COL4A6: variants seen among roughly 807,000 people sequenced by gnomAD.
The protein encoded by COL4A6 is collagen type IV alpha 6 chain, also known as collagen alpha-6(IV) chain.
Under a neutral mutation model 126.7 loss-of-function variants are expected in COL4A6, and 59 were observed. The ratio of observed to expected loss-of-function variants is 0.47; its 90% CI spans 0.38 to 0.58. The LOEUF is 0.58. Among genes scored for constraint, COL4A6 ranks in the 20% least tolerant of loss-of-function variants. The pLI is 0.00. For synonymous variants in COL4A6, 547 were observed against 496.6 expected (o/e 1.10, Z -1.35); for missense variants, 1,285 against 1,337.3 (o/e 0.96, Z 0.61).
chrX:108,172,242 T>G (rs1172009853), intron 32 of COL4A6, among the ~76,000 whole-genome samples: 3 of 107,788 alleles, frequency 2.8e-5, no homozygotes, highest in African/African-American at 1.0e-4. Flanking sequence ...CCCAGCTACT[T>G]AGGAAGCTGA....
Position 108,400,680 on chromosome X carries a change from GTA to G in COL4A6, c.63+37260_63+37261del, listed in dbSNP as rs1241372809. ...TTTTGAAAAAGGCCCATGTATGTAT[GTA>G]TGTGTGTGTGTGTGTGTATGTGTAT... On this transcript the variant is annotated intron_variant, in intron 2 of 44. Coordinates refer to ENST00000334504, the MANE Select transcript of COL4A6 (RefSeq NM_033641.4). Among the ~76,000 whole-genome samples, 19 of 111,321 alleles carry G rather than the reference GTA, an allele frequency of 1.7e-4. 1 individual carries two copies. The highest frequency in any genetic ancestry group is 1.4e-3 in the Admixed American group (15 of 10,444).
At chrX:108,201,182 C>T (rs1266848379) in intron 13 of COL4A6, among the ~76,000 whole-genome samples, 2 of 111,524 alleles carry the variant, frequency 1.8e-5, no homozygotes, top group East Asian at 2.8e-4. Context: ...CCAGAGAGAC[C>T]CAAACTATCT....
intron 2 of COL4A6, among the ~76,000 whole-genome samples, chrX:108,345,551 C>A (rs1191811236): frequency 9.0e-6 from 1 of 111,616 alleles, no homozygotes; most frequent in Non-Finnish European, 1.9e-5. Flanking sequence ...AACCTGATTA[C>A]AAAACCAGGT....
At chrX:108,295,126 C>T (rs962994935) in intron 3 of COL4A6, among the ~76,000 whole-genome samples, 1 of 112,054 alleles carries the variant, frequency 8.9e-6, no homozygotes, top group African/African-American at 3.2e-5. Flanking sequence ...AATACATCTC[C>T]ATGTGCACAT....
At chrX:108,283,902 G>A (rs2037930697) in intron 3 of COL4A6, among the ~76,000 whole-genome samples, 1 of 111,487 alleles carries the variant, frequency 9.0e-6, no homozygotes, top group African/African-American at 3.3e-5. Flanking sequence ...GAAGATTGAT[G>A]GATACTAATT....
chrX:108,302,999 T>G (rs1451825194), intron 3 of COL4A6, among the ~76,000 whole-genome samples: 1 of 72,683 alleles, frequency 1.4e-5, no homozygotes, highest in South Asian at 8.4e-4. Flanking sequence ...CCCTCCCCCC[T>G]CCACCCCCCC....
intron 14 of COL4A6, among the ~76,000 whole-genome samples, chrX:108,196,161 C>T (rs2035208296): frequency 9.0e-6 from 1 of 111,301 alleles, no homozygotes; most frequent in Admixed American, 9.5e-5. Flanking sequence ...TGCTCAATTC[C>T]CTCAGAATAG....
At chrX:108,190,060 G>A (rs1212428046) in intron 20 of COL4A6, among the ~76,000 whole-genome samples, 1 of 112,047 alleles carries the variant, frequency 8.9e-6, no homozygotes, top group Non-Finnish European at 1.9e-5. Context: ...CCTGTTTAGA[G>A]CACTTTGCTT....
intron 2 of COL4A6, among the ~76,000 whole-genome samples, chrX:108,411,887 G>A (rs1603225987): frequency 9.0e-6 from 1 of 110,709 alleles, no homozygotes; most frequent in South Asian, 3.9e-4. Context: ...TTGAAGGGAG[G>A]GGTTGCTCGG....
At chrX:108,174,693 C>A (rs1164369764) in intron 30 of COL4A6, 72 bp from the exon 31 acceptor site, 15 of 975,106 alleles carry the variant, frequency 1.5e-5, no homozygotes, top group Admixed American at 9.7e-5. Flanking sequence ...GATGCAGGTG[C>A]CCCAGGTCGC....
intron 3 of COL4A6, among the ~76,000 whole-genome samples, chrX:108,237,029 T>A (rs1049593073): frequency 9.0e-6 from 1 of 111,409 alleles, no homozygotes; most frequent in Non-Finnish European, 1.9e-5. Flanking sequence ...ACCTTTGCTA[T>A]AAAGATGAGA....
chrX:108,359,580 T>C (rs2040037558), intron 2 of COL4A6, among the ~76,000 whole-genome samples: 1 of 112,336 alleles, frequency 8.9e-6, no homozygotes, highest in African/African-American at 3.2e-5. Flanking sequence ...GTTTAGACTC[T>C]ATTTAGCAGA....
At chrX:108,287,326 G>A (rs1020740646) in intron 3 of COL4A6, among the ~76,000 whole-genome samples, 2 of 111,831 alleles carry the variant, frequency 1.8e-5, no homozygotes, top group Admixed American at 9.5e-5. Flanking sequence ...ATGCCTGGTC[G>A]TTTTTGTTTG....
At chrX:108,343,165 A>AGTGTGTGTGTGTGTGTGT (rs55685604) in intron 2 of COL4A6, among the ~76,000 whole-genome samples, 7 of 31,414 alleles carry the variant, frequency 2.2e-4, no homozygotes, top group African/African-American at 6.3e-4. Flanking sequence ...ATATATATAT[A>AGTGTGTGTGTGTGTGTGT]GTGTGTGTGT....
intron 3 of COL4A6, among the ~76,000 whole-genome samples, chrX:108,302,166 C>A (rs1009504855): frequency 5.4e-5 from 6 of 110,803 alleles, no homozygotes; most frequent in African/African-American, 1.6e-4. Context: ...ATGTCCTAAT[C>A]TCTCCCCCAT....
rs1438174609 is a variant in COL4A6 at position 108,170,614 on chromosome X, G to A, written c.3488C>T (p.Pro1163Leu). The change falls in exon 35 of 45, where the codon CCC becomes CTC. Residue 1163 changes from proline (P) to leucine (L), a missense_variant. Transcript: ENST00000334504. ...CTGCTCCCAAATACACATACCTTTG[G>A]GTCCTATTAATCCGGGGGATCCTAG... Reference protein sequence around the residue: ...GPLGSPGLIGPKGFPGFPGLH... With the variant: ...GPLGSPGLIGLKGFPGFPGLH... 1 of 1,199,133 alleles carries A rather than the reference G, an allele frequency of 8.3e-7. No homozygotes were observed. Among genetic ancestry groups the A allele is most frequent in the South Asian group, 1.8e-5 (1 of 54,948 alleles).
intron 2 of COL4A6, among the ~76,000 whole-genome samples, chrX:108,314,746 C>T (rs779501357): frequency 4.5e-5 from 5 of 111,869 alleles, no homozygotes; most frequent in Non-Finnish European, 9.4e-5. Flanking sequence ...TGAACTTAGG[C>T]AACTGACTTT....
At chrX:108,439,154 C>T (rs112722518), upstream of COL4A6, among the ~76,000 whole-genome samples, 1 of 111,103 alleles carries the variant, frequency 9.0e-6, no homozygotes, top group African/African-American at 3.3e-5. Flanking sequence ...TTCTGAAACA[C>T]AACTACAATG....
intron 3 of COL4A6, among the ~76,000 whole-genome samples, chrX:108,236,175 T>A (rs1200839450): frequency 9.0e-6 from 1 of 111,574 alleles, no homozygotes; most frequent in Non-Finnish European, 1.9e-5. Flanking sequence ...GGAAAACAAA[T>A]CTTCAAGTAC....
Sources: gnomAD v4.1 joint callset for allele counts (sites outside exome capture counted in the v4.1 genomes callset) on GRCh38, gnomAD v4.1.1 for gene constraint, MANE v1.5 for transcripts, NCBI Gene and HGNC (gene_info 2026-07-23, HGNC 2026-07-21) for gene names.